The following PIGK variants were observed in gnomAD, a reference collection of about 807,000 sequenced individuals.
The protein encoded by PIGK is phosphatidylinositol glycan anchor biosynthesis class K, also known as GPI-anchor transamidase.
In PIGK, 42 loss-of-function variants were observed where a neutral mutation model predicts 50.6. That is an observed-to-expected ratio of 0.83 (90% CI 0.65 to 1.07). The LOEUF is 1.07. PIGK is among the 50% of genes least tolerant of loss of function. PIGK has a pLI of 0.00. For missense variants in PIGK, 448 were observed against 488.7 expected, an observed-to-expected ratio of 0.92 and a Z score of 0.78; for synonymous variants, 151 against 156.0, an observed-to-expected ratio of 0.97 and a Z score of 0.24.
intron 9 of PIGK, among the ~76,000 whole-genome samples, chr1:77,133,609 AAGG>A (rs1654431808): frequency 6.6e-6 from 1 of 152,204 alleles, no homozygotes; most frequent in South Asian, 2.1e-4. Flanking sequence ...TCCACTTAAG[AAGG>A]TCCATGTGTT....
intron 9 of PIGK, chr1:77,153,689 T>C (rs910224282): frequency 6.6e-6 from 1 of 152,116 alleles, no homozygotes; most frequent in African/African-American, 2.4e-5. Flanking sequence ...GTGCCAGTGT[T>C]TGAATTTATT....
chr1:77,132,522 C>T (rs74393729), intron 9 of PIGK, among the ~76,000 whole-genome samples: 130 of 152,020 alleles, frequency 8.6e-4, no homozygotes, highest in African/African-American at 3.0e-3. Flanking sequence ...TGTCCTCCTG[C>T]CTTTGACCTT....
At chr1:77,182,840 G>A (rs1371450864) in intron 3 of PIGK, among the ~76,000 whole-genome samples, 1 of 152,172 alleles carries the variant, frequency 6.6e-6, no homozygotes, top group Non-Finnish European at 1.5e-5. Context: ...CTGATTCCCT[G>A]CTCATGAGAG....
chr1:77,153,307 T>C (rs1167966328), intron 9 of PIGK, among the ~76,000 whole-genome samples: 1 of 151,152 alleles, frequency 6.6e-6, no homozygotes. Flanking sequence ...GCAAAACGAG[T>C]GGATGTCAAG....
intron 10 of PIGK, among the ~76,000 whole-genome samples, chr1:77,108,673 T>C (rs11162274): frequency 0.23 from 35,547 of 152,180 alleles, 5,107 homozygotes; most frequent in Non-Finnish European, 0.32. Flanking sequence ...CTGGAAAATA[T>C]CCTGCAGAGT....
intron 1 of PIGK, among the ~76,000 whole-genome samples, chr1:77,215,779 A>G (rs144199542): frequency 6.6e-6 from 1 of 152,316 alleles, no homozygotes; most frequent in African/African-American, 2.4e-5. Flanking sequence ...AAATCCTTTC[A>G]TAAACAGGTA....
In PIGK at chr1:77,133,866, T is replaced by G. The variant is rs541933928; in HGVS notation, c.987-11507A>C. On this transcript the variant is annotated intron_variant, in intron 9 of 10. Transcript: ENST00000370812. ...TTCAAAGGTTTCTGACTTACATTTT[T>G]GGACTATTGTCCTGCACAGCTTAAG... Among the ~76,000 whole-genome samples the G allele has an allele frequency of 9.8e-5, 15 of 152,314 alleles. No individual in the cohort carries two copies. In the South Asian group the frequency reaches 2.9e-3, roughly 29 times the overall value.
At chr1:77,116,247 G>A (rs1023581110) in intron 10 of PIGK, among the ~76,000 whole-genome samples, 3 of 151,846 alleles carry the variant, frequency 2.0e-5, no homozygotes, top group South Asian at 2.1e-4. Context: ...GCAGTGGCAC[G>A]ATCTCGGCTC....
chr1:77,155,760 G>A (rs1216194450), intron 8 of PIGK, among the ~76,000 whole-genome samples: 1 of 152,128 alleles, frequency 6.6e-6, no homozygotes, highest in Non-Finnish European at 1.5e-5. Context: ...AAGGGTCCAG[G>A]CGCACAGCAC....
chr1:77,143,056 A>G (rs1455919440), intron 9 of PIGK, among the ~76,000 whole-genome samples: 1 of 152,178 alleles, frequency 6.6e-6, no homozygotes, highest in African/African-American at 2.4e-5. Flanking sequence ...GGGATTACAG[A>G]TTTATATATT....
intron 1 of PIGK, among the ~76,000 whole-genome samples, chr1:77,217,149 C>G (rs1042687787): frequency 2.0e-5 from 3 of 152,180 alleles, no homozygotes; most frequent in Non-Finnish European, 4.4e-5. Context: ...GCCCTGAGTG[C>G]TCCAAATACA....
At chr1:77,200,543 T>C (rs1656139638) in intron 3 of PIGK, among the ~76,000 whole-genome samples, 1 of 152,126 alleles carries the variant, frequency 6.6e-6, no homozygotes, top group African/African-American at 2.4e-5. Context: ...CAATGTATAT[T>C]ATATACATTT....
chr1:77,170,435 C>G (rs1655333846), intron 3 of PIGK, among the ~76,000 whole-genome samples: 1 of 152,164 alleles, frequency 6.6e-6, no homozygotes, highest in Non-Finnish European at 1.5e-5. Flanking sequence ...ATAATTCCAG[C>G]CTTAGCTATG....
chr1:77,089,054 A>G lies in PIGK; in HGVS notation c.*3320T>C, dbSNP rs1405854971. On this transcript the variant is annotated 3_prime_UTR_variant, in exon 11 of 11. Transcript: ENST00000370812. ...CAACTTCATCTATATAAATCCCCTT[A>G]TTCTAGGATCTACACAGTTAAACCT... 1 of 127,496 alleles carries G rather than the reference A, an allele frequency of 7.8e-6. No homozygotes were observed. Among genetic ancestry groups the G allele is most frequent in the African/African-American group, 3.0e-5 (1 of 33,684 alleles). 7.9% of individuals were successfully genotyped at this position (127,496 alleles called of 1,614,324 possible). A position where few individuals can be genotyped will look rare whatever the true frequency, so the allele number is the denominator to read the frequency against.
At chr1:77,145,688 C>A (rs1654752583) in intron 9 of PIGK, among the ~76,000 whole-genome samples, 1 of 151,542 alleles carries the variant, frequency 6.6e-6, no homozygotes. Context: ...CTTTAAGAAA[C>A]CTACAAGCTG....
Position 77,092,279 on chromosome 1 carries a change from T to G in PIGK, c.*95A>C. The G allele has an allele frequency of 3.3e-6, 2 of 598,418 alleles. No individual in the cohort carries two copies. Among genetic ancestry groups the G allele is most frequent in the Non-Finnish European group, 5.8e-6 (2 of 341,942 alleles). 37.1% of individuals were successfully genotyped at this position (598,418 alleles called of 1,614,324 possible). The stretch of plus-strand genomic sequence containing the variant: ...TTAGTTTCCTTATACTTATTTCCAA[T>G]TCATACAAGAGAAACACATTTTTAA... On this transcript the variant is annotated 3_prime_UTR_variant, in exon 11 of 11. Coordinates refer to ENST00000370812, the MANE Select transcript of PIGK (RefSeq NM_005482.3).
At chr1:77,149,630 A>G (rs1205808881) in intron 9 of PIGK, among the ~76,000 whole-genome samples, 1 of 152,172 alleles carries the variant, frequency 6.6e-6, no homozygotes, top group Non-Finnish European at 1.5e-5. Flanking sequence ...AGGAAGAGGC[A>G]AACTGTAATA....
At chr1:77,178,848 G>A (rs192911980) in intron 3 of PIGK, among the ~76,000 whole-genome samples, 275 of 152,314 alleles carry the variant, frequency 1.8e-3, no homozygotes, top group African/African-American at 6.1e-3. Context: ...TGAGGACACC[G>A]TAACCTATGA....
chr1:77,136,248 G>A (rs1306114153), intron 9 of PIGK, among the ~76,000 whole-genome samples: 1 of 151,944 alleles, frequency 6.6e-6, no homozygotes, highest in Non-Finnish European at 1.5e-5. Flanking sequence ...GTTTGCTGTC[G>A]GCCGGGCGCG....
Sources: gnomAD v4.1 joint callset for allele counts (sites outside exome capture counted in the v4.1 genomes callset) on GRCh38, gnomAD v4.1.1 for gene constraint, MANE v1.5 for transcripts, NCBI Gene and HGNC (gene_info 2026-07-23, HGNC 2026-07-21) for gene names.